MGAT4C: variants seen among roughly 807,000 people sequenced by gnomAD.
MGAT4C encodes MGAT4 family member C.
Under a neutral mutation model 40.1 loss-of-function variants are expected in MGAT4C, and 19 were observed. That is an observed-to-expected ratio of 0.47 (90% CI 0.33 to 0.70). MGAT4C has a LOEUF of 0.70. Among genes scored for constraint, MGAT4C ranks in the 30% least tolerant of loss-of-function variants. The pLI, the probability that MGAT4C is intolerant of heterozygous loss-of-function variation, is 0.02. For synonymous variants in MGAT4C, 181 were observed against 187.1 expected (o/e 0.97, Z 0.27); for missense variants, 491 against 563.2 (o/e 0.87, Z 1.30).
At position 86,369,306 on chromosome 12, in the gene MGAT4C, CTTTAA is replaced by C. The variant is rs1955672781; in HGVS notation, c.-119-35184_-119-35180del. On this transcript the variant is annotated intron_variant, in intron 3 of 7. Coordinates refer to the MGAT4C transcript ENST00000548651. ...AGTGGGATCTTTTAAAATATCATAT[CTTTAA>C]TTTGTTAGTTTATTTACATTTATGG... 2.0e-5 allele frequency among the ~76,000 whole-genome samples: 3 copies of C among 151,796 alleles called. No homozygotes were observed. The South Asian group carries it at 6.2e-4, about 31-fold the overall frequency.
intron 2 of MGAT4C, among the ~76,000 whole-genome samples, chr12:86,682,859 A>G (rs1950006382): frequency 6.6e-6 from 1 of 152,178 alleles, no homozygotes; most frequent in Non-Finnish European, 1.5e-5. Flanking sequence ...TTTAGGAGAT[A>G]TAAAGAATGA....
chr12:86,748,870 C>T (rs1407812309), intron 1 of MGAT4C, among the ~76,000 whole-genome samples: 1 of 149,660 alleles, frequency 6.7e-6, no homozygotes, highest in Non-Finnish European at 1.5e-5. Flanking sequence ...TAGGTGTTCA[C>T]AATAGTTATT....
chr12:86,017,894 C>A (rs535707017), intron 2 of MGAT4C, among the ~76,000 whole-genome samples: 1 of 152,222 alleles, frequency 6.6e-6, no homozygotes, highest in Non-Finnish European at 1.5e-5. Flanking sequence ...AATGTTATTA[C>A]ATTTCTTCTT....
chr12:86,626,770 A>C (rs1039084481), intron 2 of MGAT4C, among the ~76,000 whole-genome samples: 51 of 152,226 alleles, frequency 3.4e-4, no homozygotes, highest in African/African-American at 1.2e-3. Flanking sequence ...GCAGAATAGG[A>C]ATAGCTCTAG....
chr12:86,297,943 TG>T (rs1953719263), intron 4 of MGAT4C, among the ~76,000 whole-genome samples: 1 of 152,070 alleles, frequency 6.6e-6, no homozygotes, highest in African/African-American at 2.4e-5. Flanking sequence ...AAGTCAGTGA[TG>T]GGAAAAAATG....
At chr12:86,502,012 C>T (rs545065768) in intron 2 of MGAT4C, among the ~76,000 whole-genome samples, 1 of 152,030 alleles carries the variant, frequency 6.6e-6, no homozygotes, top group African/African-American at 2.4e-5. Context: ...AAAAGATTGA[C>T]AAATTGGAAA....
At chr12:86,505,231 T>C (rs2136340094) in intron 2 of MGAT4C, among the ~76,000 whole-genome samples, 1 of 152,284 alleles carries the variant, frequency 6.6e-6, no homozygotes, top group African/African-American at 2.4e-5. Flanking sequence ...TGGCTAGATA[T>C]TTGCTTTCTG....
chr12:86,606,867 G>A (rs1035934135), intron 2 of MGAT4C, among the ~76,000 whole-genome samples: 3 of 152,106 alleles, frequency 2.0e-5, no homozygotes, highest in Non-Finnish European at 4.4e-5. Context: ...ATGGCAGAGT[G>A]ACACATTAGA....
chr12:86,040,583 C>T (rs1263770399), intron 2 of MGAT4C, among the ~76,000 whole-genome samples: 3 of 152,176 alleles, frequency 2.0e-5, no homozygotes, highest in Admixed American at 6.6e-5. Context: ...AGCCCCTCTC[C>T]TCACCAAGCT....
chr12:86,277,853 G>A (rs1592636064), intron 4 of MGAT4C, among the ~76,000 whole-genome samples: 1 of 152,154 alleles, frequency 6.6e-6, no homozygotes. Context: ...TGATTTTGTT[G>A]TGTAGGATAG....
chr12:86,137,574 A>G (rs1031766159), intron 1 of MGAT4C, among the ~76,000 whole-genome samples: 4 of 152,162 alleles, frequency 2.6e-5, no homozygotes, highest in Non-Finnish European at 5.9e-5. Context: ...AATTCTTATC[A>G]GTTCTTTACT....
chr12:86,502,255 A>G (rs1196272341), intron 2 of MGAT4C, among the ~76,000 whole-genome samples: 1 of 152,090 alleles, frequency 6.6e-6, no homozygotes, highest in Non-Finnish European at 1.5e-5. Flanking sequence ...CTAAAATGAT[A>G]CATATTATAT....
rs1168192888 is a variant in MGAT4C at position 86,603,878 on chromosome 12, T to G, written c.-229+123331A>C. 3.4e-5 allele frequency among the ~76,000 whole-genome samples: 5 copies of G among 148,634 alleles called. No individual in the cohort carries two copies. The East Asian group carries it at 9.9e-4, about 29-fold the overall frequency. ...TGAAATTTGCGAAGAGAGTATATCTTAAGTACTTATGGGACACACAAAAGA... is the reference window on the plus strand; with the variant it reads ...TGAAATTTGCGAAGAGAGTATATCTGAAGTACTTATGGGACACACAAAAGA... On this transcript the variant is annotated intron_variant, in intron 2 of 7. Transcript: ENST00000548651.
At chr12:86,758,393 A>ATTTT (rs771174751) in intron 1 of MGAT4C, among the ~76,000 whole-genome samples, 1 of 144,332 alleles carries the variant, frequency 6.9e-6, no homozygotes, top group Admixed American at 6.8e-5. Flanking sequence ...TTTTTTTTAA[A>ATTTT]AAAAAGAAAC....
chr12:86,200,447 G>C (rs1268053521), intron 1 of MGAT4C, among the ~76,000 whole-genome samples: 1 of 151,942 alleles, frequency 6.6e-6, no homozygotes, highest in Non-Finnish European at 1.5e-5. Context: ...TTCCAAAATG[G>C]TTGAAAATCT....
intron 1 of MGAT4C, among the ~76,000 whole-genome samples, chr12:86,071,658 G>A (rs1260796832): frequency 6.6e-6 from 1 of 151,970 alleles, no homozygotes; most frequent in Non-Finnish European, 1.5e-5. Context: ...TACTTACTAT[G>A]CGTCATAGCT....
At chr12:86,188,144 A>G (rs1888983824) in intron 1 of MGAT4C, among the ~76,000 whole-genome samples, 1 of 152,102 alleles carries the variant, frequency 6.6e-6, no homozygotes, top group African/African-American at 2.4e-5. Context: ...TTTTTCAAAT[A>G]GGAGTATAAA....
At chr12:86,421,318 T>C (rs909289291) in intron 3 of MGAT4C, among the ~76,000 whole-genome samples, 10 of 152,212 alleles carry the variant, frequency 6.6e-5, no homozygotes, top group African/African-American at 2.2e-4. Flanking sequence ...TTTCCAGAAG[T>C]TAGGCCCATG....
At chr12:86,703,582 A>C (rs943262578) in intron 2 of MGAT4C, among the ~76,000 whole-genome samples, 1 of 152,186 alleles carries the variant, frequency 6.6e-6, no homozygotes, top group South Asian at 2.1e-4. Flanking sequence ...TTTTAATTAA[A>C]GTAGGTATAT....
Sources: gnomAD v4.1 joint callset for allele counts (sites outside exome capture counted in the v4.1 genomes callset) on GRCh38, gnomAD v4.1.1 for gene constraint, MANE v1.5 for transcripts, NCBI Gene and HGNC (gene_info 2026-07-23, HGNC 2026-07-21) for gene names.